Variants in NELL2 observed in about 807,000 individuals in gnomAD.
The protein encoded by NELL2 is protein kinase C-binding protein NELL2.
In NELL2, 41 loss-of-function variants were observed where a neutral mutation model predicts 109.6. That is an observed-to-expected ratio of 0.37 (90% CI 0.29 to 0.49). NELL2 has a LOEUF of 0.49. Ranked by LOEUF, NELL2 falls within the 20% of genes least tolerant of loss-of-function variation. The pLI, the probability that NELL2 is intolerant of heterozygous loss-of-function variation, is 0.98. For missense variants in NELL2, 900 were observed against 1,008.3 expected, an observed-to-expected ratio of 0.89 and a Z score of 1.45; for synonymous variants, 355 against 344.7, an observed-to-expected ratio of 1.03 and a Z score of -0.33.
chr12:44,640,521 T>G (rs2136299193), intron 13 of NELL2, among the ~76,000 whole-genome samples: 1 of 152,332 alleles, frequency 6.6e-6, no homozygotes, highest in East Asian at 1.9e-4. Context: ...ACTCAAAAAT[T>G]TTAAAATCAA....
intron 15 of NELL2, among the ~76,000 whole-genome samples, chr12:44,556,760 C>G (rs1250533457): frequency 6.6e-6 from 1 of 152,138 alleles, no homozygotes; most frequent in African/African-American, 2.4e-5. Context: ...AAACGCTATG[C>G]AAAGCAAGTG....
chr12:44,556,093 G>A (rs2136173495), intron 15 of NELL2, among the ~76,000 whole-genome samples: 1 of 152,294 alleles, frequency 6.6e-6, no homozygotes, highest in East Asian at 1.9e-4. Context: ...AGAGAAGGGA[G>A]GGGTACAGTC....
chr12:44,787,984 G>A (rs867092376), intron 3 of NELL2, among the ~76,000 whole-genome samples: 3 of 152,108 alleles, frequency 2.0e-5, no homozygotes, highest in Non-Finnish European at 4.4e-5. Flanking sequence ...GGAAACTTTT[G>A]TGCATTTTAA....
intron 16 of NELL2, among the ~76,000 whole-genome samples, chr12:44,526,809 T>G (rs925055717): frequency 2.0e-5 from 3 of 152,240 alleles, no homozygotes; most frequent in African/African-American, 7.2e-5. Context: ...GCACTTCCTC[T>G]GGGCTTCCAC....
At chr12:44,829,706 A>G (rs1265123111) in intron 2 of NELL2, among the ~76,000 whole-genome samples, 1 of 148,272 alleles carries the variant, frequency 6.7e-6, no homozygotes, top group African/African-American at 2.4e-5. Context: ...TTAAATTAAC[A>G]AAGTATTCTC....
intron 3 of NELL2, among the ~76,000 whole-genome samples, chr12:44,801,303 T>A (rs990846890): frequency 5.9e-5 from 9 of 152,166 alleles, no homozygotes; most frequent in African/African-American, 1.9e-4. Flanking sequence ...AAGTAAATTG[T>A]GTGAAAGATT....
chr12:44,916,530 A>AT (rs941216811), upstream of NELL2, among the ~76,000 whole-genome samples: 1 of 152,114 alleles, frequency 6.6e-6, no homozygotes. Flanking sequence ...CACCACTGTG[A>AT]TTTTTTTAAG....
At chr12:44,822,803 C>T (rs1168697405) in intron 2 of NELL2, among the ~76,000 whole-genome samples, 1 of 152,148 alleles carries the variant, frequency 6.6e-6, no homozygotes, top group Non-Finnish European at 1.5e-5. Flanking sequence ...GAAGCAATTA[C>T]ATCAAAATAT....
At chr12:44,811,518 C>G (rs1013718687) in intron 3 of NELL2, among the ~76,000 whole-genome samples, 2 of 151,810 alleles carry the variant, frequency 1.3e-5, no homozygotes, top group Admixed American at 6.6e-5. Flanking sequence ...TTTGAACAAG[C>G]AGAGAAAAAG....
In NELL2 at chr12:44,776,052, C is replaced by G. The variant is rs1739808951; in HGVS notation, c.861G>C (p.Trp287Cys). Reference protein sequence around the residue: ...KGTTYREFESWIDGCKNCTCL... With the variant: ...KGTTYREFESCIDGCKNCTCL... The stretch of plus-strand genomic sequence containing the variant: ...ATGTGCAGTTCTTACAGCCGTCTAT[C>G]CAGGACTCAAATTCTCGGTAGGTGG... Residue 287 changes from tryptophan to cysteine, a missense_variant, in exon 8 of 20, where the codon TGG becomes TGC. Trp to Cys is a radical substitution (Grantham distance 215). Around this residue, in one of 4 missense-constraint regions of NELL2, gnomAD observed 292 missense variants for 265.3 expected, o/e 1.10. Transcript: ENST00000429094. 2.5e-6 allele frequency: 4 copies of G among 1,613,976 alleles called. No individual in the cohort carries two copies. The East Asian group carries it at 8.9e-5, about 36-fold the overall frequency.
chr12:44,683,877 T>C (rs561200447), intron 12 of NELL2, among the ~76,000 whole-genome samples: 1 of 152,222 alleles, frequency 6.6e-6, no homozygotes. Context: ...TGGTGTAAAA[T>C]TCTCTTTTTT....
chr12:44,629,705 C>A (rs1466849798), intron 13 of NELL2, among the ~76,000 whole-genome samples: 2 of 152,142 alleles, frequency 1.3e-5, no homozygotes, highest in East Asian at 3.8e-4. Flanking sequence ...AAACAAAATG[C>A]AGAATGGAAA....
At chr12:44,545,496 A>T (rs1191957859) in intron 15 of NELL2, among the ~76,000 whole-genome samples, 1 of 152,098 alleles carries the variant, frequency 6.6e-6, no homozygotes, top group Non-Finnish European at 1.5e-5. Flanking sequence ...AAGATACAGA[A>T]TGATCATAAA....
intron 15 of NELL2, among the ~76,000 whole-genome samples, chr12:44,600,837 A>G (rs902353452): frequency 6.6e-6 from 1 of 152,202 alleles, no homozygotes; most frequent in African/African-American, 2.4e-5. Context: ...TTTTCATTAT[A>G]TGCTCTTTGT....
At chr12:44,650,609 T>C (rs1232941242) in intron 13 of NELL2, among the ~76,000 whole-genome samples, 1 of 152,070 alleles carries the variant, frequency 6.6e-6, no homozygotes. Context: ...CCCCTCTCTA[T>C]ATGTTGAAGC....
intron 12 of NELL2, among the ~76,000 whole-genome samples, chr12:44,668,728 A>G (rs1948031813): frequency 6.6e-6 from 1 of 151,964 alleles, no homozygotes. Context: ...ACTCACATGT[A>G]CCTCTTAGGG....
chr12:44,686,700 G>A (rs1948728643), intron 12 of NELL2, among the ~76,000 whole-genome samples: 1 of 152,076 alleles, frequency 6.6e-6, no homozygotes, highest in East Asian at 1.9e-4. Flanking sequence ...TGCCCCTGCT[G>A]GGGGGTGCCT....
At chr12:44,876,541 A>T, upstream of NELL2, 1 of 1,441,964 alleles carries the variant, frequency 6.9e-7, no homozygotes, top group Non-Finnish European at 9.2e-7. Context: ...GGCAATGCCA[A>T]CCTCCTTTCG....
At chr12:44,790,602 C>A (rs6582516) in intron 3 of NELL2, among the ~76,000 whole-genome samples, 132,177 of 150,882 alleles carry the variant, frequency 0.88, 59,981 homozygotes, top group Non-Finnish European at 0.99. Flanking sequence ...ACAACAACAA[C>A]AAAAAAAGCC....
Sources: allele counts gnomAD v4.1 joint callset (sites outside exome capture counted in the v4.1 genomes callset), GRCh38; gene constraint gnomAD v4.1.1; regional missense constraint gnomAD v4.1.1; transcripts MANE v1.5; gene names NCBI Gene and HGNC (gene_info 2026-07-23, HGNC 2026-07-21).